Variants in UFD1 observed in about 807,000 individuals in gnomAD.
UFD1 encodes ubiquitin recognition factor in ER-associated degradation protein 1.
In UFD1, 13 loss-of-function variants were observed where a neutral mutation model predicts 45.9. That is an observed-to-expected ratio of 0.28 (90% CI 0.18 to 0.45). The LOEUF is 0.45. UFD1 is among the 20% of genes least tolerant of loss of function. The pLI is 1.00. For synonymous variants in UFD1, 128 were observed against 139.2 expected, an observed-to-expected ratio of 0.92 and a Z score of 0.56; for missense variants, 218 against 389.2, an observed-to-expected ratio of 0.56 and a Z score of 3.70.
In UFD1 at chr22:19,450,649, CA is replaced by C; in HGVS notation, c.*20del. 1 of 1,613,684 alleles carries C rather than the reference CA, an allele frequency of 6.2e-7. No individual in the cohort carries two copies. Among genetic ancestry groups the C allele is most frequent in the Non-Finnish European group, 8.5e-7 (1 of 1,179,782 alleles). ...TGCAAATGATTCTTTTATTATTTTC[CA>C]ATCAGCCAACAGTCCTCACTTAGGG... is the stretch of plus-strand genomic sequence containing the variant. On this transcript the variant is annotated 3_prime_UTR_variant, in exon 12 of 12. Coordinates refer to ENST00000263202, the MANE Select transcript of UFD1 (RefSeq NM_005659.7).
At chr22:19,472,763 C>T (rs570012237) in intron 3 of UFD1, among the ~76,000 whole-genome samples, 1 of 152,276 alleles carries the variant, frequency 6.6e-6, no homozygotes, top group South Asian at 2.1e-4. Context: ...CTAAGGCCCA[C>T]AGGTTAAGTA....
intron 11 of UFD1, chr22:19,453,334 C>G: frequency 1.0e-6 from 1 of 985,444 alleles, no homozygotes; most frequent in Non-Finnish European, 1.2e-6. Context: ...ACCTCATGAC[C>G]TTTAGCCACA....
At chr22:19,453,392 C>T (rs1166198777) in intron 11 of UFD1, 1 of 985,340 alleles carries the variant, frequency 1.0e-6, no homozygotes, top group Non-Finnish European at 1.2e-6. Flanking sequence ...TGTCTTCAAT[C>T]CCATCTTTAA....
intron 6 of UFD1, among the ~76,000 whole-genome samples, chr22:19,461,855 T>G (rs1218876156): frequency 6.6e-6 from 1 of 152,158 alleles, no homozygotes; most frequent in Admixed American, 6.5e-5. Context: ...TACACTTTTC[T>G]CTAGGAAATA....
Position 19,450,408 on chromosome 22 carries a change from CTGAAAGCG to C in UFD1, c.*254_*261del. On this transcript the variant is annotated 3_prime_UTR_variant, in exon 12 of 12. Coordinates refer to ENST00000263202, the MANE Select transcript of UFD1 (RefSeq NM_005659.7). ...TGAGGCAGTGGGAGCTCCCCTCAAG[CTGAAAGCG>C]TGAAGAGGTGAGGAGGCAGCTATCT... The C allele has an allele frequency of 2.3e-6, 1 of 428,338 alleles. No homozygotes were observed. The highest frequency in any genetic ancestry group is 3.4e-5 in the South Asian group (1 of 29,392). 26.5% of individuals were successfully genotyped at this position (428,338 alleles called of 1,614,324 possible).
At chr22:19,454,326 T>C in intron 11 of UFD1, 1 of 1,009,216 alleles carries the variant, frequency 9.9e-7, no homozygotes, top group Non-Finnish European at 1.2e-6. Flanking sequence ...CCCACCCAAA[T>C]CTCATCTTGA....
At chr22:19,478,964 G>A in intron 1 of UFD1, 119 bp downstream of exon 1, 1 of 1,380,504 alleles carries the variant, frequency 7.2e-7, no homozygotes, top group Non-Finnish European at 9.7e-7. Flanking sequence ...CTGCAGGCCG[G>A]ACTCAGGCCC....
intron 10 of UFD1, among the ~76,000 whole-genome samples, chr22:19,455,411 C>A (rs2089714925): frequency 6.6e-6 from 1 of 152,148 alleles, no homozygotes; most frequent in Non-Finnish European, 1.5e-5. Context: ...AGACTCGCAT[C>A]TTAGGAAAGC....
chr22:19,471,413 C>T (rs766028419), intron 4 of UFD1: 7 of 706,986 alleles, frequency 9.9e-6, no homozygotes, highest in South Asian at 8.2e-5. Context: ...ACGCCTCACC[C>T]AGGAAATCAC....
chr22:19,465,189 G>C lies in UFD1; in HGVS notation c.495+13C>G, dbSNP rs138528511. ...GGCTCTTGTCAGGAATGACCTGCAT[G>C]AACTGGGCTCACCTTTTCATTATAG... On this transcript the variant is annotated intron_variant, in intron 6 of 11. Transcript: ENST00000263202. 1.4e-5 allele frequency: 23 copies of C among 1,613,854 alleles called. No homozygotes were observed. The highest frequency in any genetic ancestry group is 3.3e-4 in the Middle Eastern group (2 of 6,062).
rs139916260 is a variant in UFD1, at chr22:19,451,034, G to A, written c.850-290C>T. On this transcript the variant is annotated intron_variant, in intron 11 of 11. Transcript: ENST00000263202. ...AGCTACTTGGGAGGCTGAGACGGGA[G>A]GATGGTTTGAGCCAGGGCCATAGTG... The A allele has an allele frequency of 2.0e-3, 2,127 of 1,083,606 alleles. 24 individuals carry two copies. In the African/African-American group the frequency reaches 0.024, roughly 12 times the overall value. The allele number at this position is 1,083,606 out of a possible 1,614,324, so 67.1% of individuals were successfully genotyped here. A position where few individuals can be genotyped will look rare whatever the true frequency, so the allele number is the denominator to read the frequency against.
chr22:19,471,511 C>A, intron 4 of UFD1, 176 bp downstream of exon 4: 1 of 1,009,880 alleles, frequency 9.9e-7, no homozygotes, highest in East Asian at 2.4e-5. Flanking sequence ...CCCACCAGCC[C>A]GCATAAGGCA....
At chr22:19,462,598 A>G (rs2089775622) in intron 6 of UFD1, among the ~76,000 whole-genome samples, 1 of 152,092 alleles carries the variant, frequency 6.6e-6, no homozygotes, top group Non-Finnish European at 1.5e-5. Flanking sequence ...CGAACCCAGG[A>G]GGTGGTAGCT....
intron 4 of UFD1, chr22:19,470,664 ACTC>A (rs2089837828): frequency 2.3e-6 from 1 of 444,060 alleles, no homozygotes; most frequent in African/African-American, 2.0e-5. Flanking sequence ...CTAGTCTCGA[ACTC>A]CTGACCTCAA....
intron 3 of UFD1, among the ~76,000 whole-genome samples, chr22:19,473,480 G>A (rs1225533488): frequency 5.3e-5 from 8 of 152,184 alleles, no homozygotes; most frequent in Non-Finnish European, 1.2e-4. Flanking sequence ...CTGGACACCT[G>A]TGCCAAGGGT....
chr22:19,472,410 C>T (rs534841541), intron 3 of UFD1, among the ~76,000 whole-genome samples: 9 of 152,272 alleles, frequency 5.9e-5, no homozygotes, highest in Admixed American at 5.9e-4. Context: ...GGGCACCACA[C>T]GGGGTAGAAC....
chr22:19,471,902 T>C, intron 3 of UFD1, 94 bp from the exon 4 acceptor site: 1 of 1,515,438 alleles, frequency 6.6e-7, no homozygotes. Flanking sequence ...CCCACAATCC[T>C]GCCCTCAACC....
intron 6 of UFD1, among the ~76,000 whole-genome samples, chr22:19,464,420 T>C (rs939970569): frequency 1.3e-5 from 2 of 152,258 alleles, no homozygotes; most frequent in Non-Finnish European, 2.9e-5. Flanking sequence ...CTGTGCTCCA[T>C]GCCTGTGGTG....
chr22:19,471,561 G>A, intron 4 of UFD1, 126 bp downstream of exon 4: 2 of 1,408,768 alleles, frequency 1.4e-6, no homozygotes, highest in Non-Finnish European at 9.6e-7. Flanking sequence ...CGCTGGGTCG[G>A]CTCAGGCTAA....
Sources: gnomAD v4.1 joint callset for allele counts (sites outside exome capture counted in the v4.1 genomes callset) on GRCh38, gnomAD v4.1.1 for gene constraint, MANE v1.5 for transcripts, NCBI Gene and HGNC (gene_info 2026-07-23, HGNC 2026-07-21) for gene names.